PCDH9: variants seen among roughly 807,000 people sequenced by gnomAD.
PCDH9 encodes protocadherin 9, also known as protocadherin-9.
Under a neutral mutation model 70.6 loss-of-function variants are expected in PCDH9, and 24 were observed. The observed-to-expected ratio is 0.34, with a 90% CI of 0.25 to 0.48. PCDH9 has a LOEUF of 0.48. Ranked by LOEUF, PCDH9 falls within the 20% of genes least tolerant of loss-of-function variation. The probability of loss-of-function intolerance (pLI) is 0.99; values close to 1 mark genes in which losing one functional copy is unlikely to be tolerated. For synonymous variants in PCDH9, 562 were observed against 558.5 expected (o/e 1.01, Z -0.09); for missense variants, 1,281 against 1,503.6 (o/e 0.85, Z 2.45).
chr13:66,566,388 G>A (rs186779639), intron 4 of PCDH9, among the ~76,000 whole-genome samples: 2 of 152,232 alleles, frequency 1.3e-5, no homozygotes, highest in Admixed American at 1.3e-4. Flanking sequence ...AGCCAAGGAT[G>A]TTAATCCAAT....
chr13:66,928,315 C>T (rs1189540632), intron 2 of PCDH9, among the ~76,000 whole-genome samples: 1 of 152,106 alleles, frequency 6.6e-6, no homozygotes, highest in Non-Finnish European at 1.5e-5. Context: ...ATGGTACTAA[C>T]TTCTAGCATG....
At chr13:67,189,359 G>A (rs778021981) in intron 2 of PCDH9, among the ~76,000 whole-genome samples, 11 of 151,752 alleles carry the variant, frequency 7.2e-5, no homozygotes, top group East Asian at 1.9e-4. Flanking sequence ...TATTTATTGT[G>A]CACCAATTAT....
At chr13:66,449,446 T>C (rs1958162956) in intron 4 of PCDH9, among the ~76,000 whole-genome samples, 1 of 152,202 alleles carries the variant, frequency 6.6e-6, no homozygotes, top group African/African-American at 2.4e-5. Context: ...GAACAAACTA[T>C]CATCTGGACT....
At chr13:67,048,862 G>C (rs1181633143) in intron 2 of PCDH9, among the ~76,000 whole-genome samples, 2 of 152,110 alleles carry the variant, frequency 1.3e-5, no homozygotes, top group Non-Finnish European at 2.9e-5. Flanking sequence ...GGGTTCTTCT[G>C]TTATACCGGC....
At chr13:66,603,251 A>C (rs986731696) in intron 4 of PCDH9, among the ~76,000 whole-genome samples, 4 of 113,628 alleles carry the variant, frequency 3.5e-5, no homozygotes, top group Non-Finnish European at 8.6e-5. Context: ...TATATATCCA[A>C]TAGAGCTTAG....
chr13:66,802,150 A>G (rs1461004188), intron 3 of PCDH9, among the ~76,000 whole-genome samples: 1 of 151,696 alleles, frequency 6.6e-6, no homozygotes, highest in East Asian at 1.9e-4. Flanking sequence ...GCTGTTTATT[A>G]TTTGTTTTAG....
At chr13:67,002,989 G>A (rs925311819) in intron 2 of PCDH9, among the ~76,000 whole-genome samples, 4 of 149,396 alleles carry the variant, frequency 2.7e-5, no homozygotes, top group Non-Finnish European at 5.9e-5. Flanking sequence ...TTTTTAATTT[G>A]TTTGTTTTTA....
chr13:66,982,575 TCTC>T (rs2083797619), intron 2 of PCDH9, among the ~76,000 whole-genome samples: 1 of 152,196 alleles, frequency 6.6e-6, no homozygotes, highest in African/African-American at 2.4e-5. Context: ...TACCCCGGGT[TCTC>T]CTGGAATGAG....
chr13:66,711,527 C>T (rs1389148140), intron 3 of PCDH9, among the ~76,000 whole-genome samples: 1 of 134,318 alleles, frequency 7.4e-6, no homozygotes, highest in Non-Finnish European at 1.7e-5. Context: ...CACTAAGTGC[C>T]AAAAATAAAG....
intron 2 of PCDH9, among the ~76,000 whole-genome samples, chr13:66,966,102 T>G (rs756647300): frequency 1.3e-5 from 2 of 152,152 alleles, no homozygotes; most frequent in Non-Finnish European, 2.9e-5. Context: ...TTGGCTCTTC[T>G]TATTTCTAGA....
intron 2 of PCDH9, among the ~76,000 whole-genome samples, chr13:67,160,299 A>T (rs2087920353): frequency 6.6e-6 from 1 of 152,162 alleles, no homozygotes. Context: ...TAATCCCAAC[A>T]CTTTGGGAGG....
At chr13:66,700,910 GTGTGTACATAT>G in intron 3 of PCDH9, among the ~76,000 whole-genome samples, 1 of 110,150 alleles carries the variant, frequency 9.1e-6, no homozygotes, top group South Asian at 3.0e-4. Context: ...GAAAATATAT[GTGTGTACATAT>G]AAATATATAT....
chr13:66,439,794 A>G (rs1437860421), intron 4 of PCDH9, among the ~76,000 whole-genome samples: 1 of 152,036 alleles, frequency 6.6e-6, no homozygotes, highest in Non-Finnish European at 1.5e-5. Context: ...CTCACCACCA[A>G]CTCTTGAGTT....
intron 3 of PCDH9, among the ~76,000 whole-genome samples, chr13:66,876,022 T>G (rs967185217): frequency 1.3e-5 from 2 of 152,162 alleles, no homozygotes; most frequent in African/African-American, 4.8e-5. Context: ...ATCAAAACAA[T>G]TCATCAAGAC....
chr13:66,877,264 AAT>A (rs1463337446), intron 3 of PCDH9, among the ~76,000 whole-genome samples: 10 of 151,808 alleles, frequency 6.6e-5, no homozygotes, highest in African/African-American at 2.2e-4. Flanking sequence ...TAAATTATGA[AAT>A]ATATATGTTA....
chr13:66,678,765 T>A (rs893760356), intron 3 of PCDH9, among the ~76,000 whole-genome samples: 1 of 151,174 alleles, frequency 6.6e-6, no homozygotes, highest in Admixed American at 6.6e-5. Flanking sequence ...ATAAAAAAAA[T>A]ATTCAAAAAA....
rs1385853251 is a variant in PCDH9, at chr13:66,910,865, A to G, written c.3037-7260T>C. On this transcript the variant is annotated intron_variant, in intron 2 of 4. Coordinates refer to ENST00000377865, the MANE Select transcript of PCDH9 (RefSeq NM_203487.3). ...TCTTGGTTACTATAAAGTTTTAGCA[A>G]CTCTGTGCATTGTCCATTTCCTGAG... is the stretch of plus-strand genomic sequence containing the variant. Among the ~76,000 whole-genome samples the G allele has an allele frequency of 2.6e-5, 4 of 152,200 alleles. No individual in the cohort carries two copies. The East Asian group carries it at 7.7e-4, about 29-fold the overall frequency.
intron 2 of PCDH9, among the ~76,000 whole-genome samples, chr13:67,143,676 G>A (rs2087451635): frequency 6.6e-6 from 1 of 152,016 alleles, no homozygotes; most frequent in Non-Finnish European, 1.5e-5. Context: ...ACAGCTATAG[G>A]AAAGTCACAA....
intron 4 of PCDH9, among the ~76,000 whole-genome samples, chr13:66,590,187 G>T (rs571271895): frequency 2.2e-3 from 328 of 151,910 alleles, no homozygotes; most frequent in Middle Eastern, 0.02. Context: ...TTGTTTTAAG[G>T]TTTCCTATTT....
Sources: gnomAD v4.1 joint callset for allele counts (sites outside exome capture counted in the v4.1 genomes callset) on GRCh38, gnomAD v4.1.1 for gene constraint, MANE v1.5 for transcripts, NCBI Gene and HGNC (gene_info 2026-07-23, HGNC 2026-07-21) for gene names.